KCNC4: variants seen among roughly 807,000 people sequenced by gnomAD.
The protein encoded by KCNC4 is voltage-gated potassium channel KCNC4.
Under a neutral mutation model 42.8 loss-of-function variants are expected in KCNC4, and 23 were observed. That is an observed-to-expected ratio of 0.54 (90% confidence interval 0.39 to 0.76). The LOEUF is 0.76. Among genes scored for constraint, KCNC4 ranks in the 30% least tolerant of loss-of-function variants. The probability of loss-of-function intolerance (pLI) is 0.00; values close to 1 mark genes in which losing one functional copy is unlikely to be tolerated. For synonymous variants in KCNC4, 422 were observed against 393.5 expected (o/e 1.07, Z -0.86); for missense variants, 751 against 898.2 (o/e 0.84, Z 2.10).
chr1:110,218,268 A>G (rs1657905084), intron 1 of KCNC4, among the ~76,000 whole-genome samples: 1 of 152,124 alleles, frequency 6.6e-6, no homozygotes, highest in African/African-American at 2.4e-5. Flanking sequence ...TCCTCAAAAC[A>G]ACTGTACCAG....
intron 1 of KCNC4, among the ~76,000 whole-genome samples, chr1:110,265,353 TAAATAAAA>T (rs1276487495): frequency 8.2e-6 from 1 of 121,486 alleles, no homozygotes; most frequent in Non-Finnish European, 1.7e-5. Flanking sequence ...AAATAAAACA[TAAATAAAA>T]TAAAATAAAA....
chr1:110,277,273 G>GCCC (rs1454376826), intron 1 of KCNC4, among the ~76,000 whole-genome samples: 2 of 152,248 alleles, frequency 1.3e-5, no homozygotes, highest in African/African-American at 2.4e-5. Flanking sequence ...AGGTCTTGAT[G>GCCC]CCCTCATCAG....
intron 1 of KCNC4, among the ~76,000 whole-genome samples, chr1:110,215,012 A>C (rs1241776645): frequency 6.6e-6 from 1 of 151,802 alleles, no homozygotes; most frequent in Admixed American, 6.6e-5. Context: ...GCTCACAGCT[A>C]CCTCCTCCCT....
In KCNC4 at chr1:110,223,678, G is replaced by A. The variant is rs966007199; in HGVS notation, c.1393G>A (p.Ala465Thr). Residue 465 changes from alanine to threonine, a missense_variant, in exon 2 of 4, where the codon GCC becomes ACC. Around this residue, in one of 4 missense-constraint regions of KCNC4, gnomAD observed 185 missense variants for 293.7 expected, o/e 0.63. Transcript: ENST00000438661. The surrounding 1 kb of genome is among the most constrained non-coding windows in gnomAD (Gnocchi z 7.5). Reference sequence around the variant, plus strand: ...TGCACTGGCTGGCGTGCTCACCATCGCCATGCCGGTGCCTGTCATCGTCAA... The same window carrying A: ...TGCACTGGCTGGCGTGCTCACCATCACCATGCCGGTGCCTGTCATCGTCAA... ...LCALAGVLTI[A>T]MPVPVIVNNF... 6.2e-7 allele frequency: 1 copy of A among 1,613,960 alleles called. No homozygotes were observed. Among genetic ancestry groups the A allele is most frequent in the Non-Finnish European group, 8.5e-7 (1 of 1,180,022 alleles).
downstream of KCNC4, among the ~76,000 whole-genome samples, chr1:110,249,909 T>C (rs814323): frequency 0.29 from 44,141 of 152,076 alleles, 6,544 homozygotes; most frequent in South Asian, 0.36. Flanking sequence ...TTCTCTTCTC[T>C]CCCAGTCCCT....
chr1:110,215,129 C>T (rs183022559), intron 1 of KCNC4, among the ~76,000 whole-genome samples: 8 of 152,232 alleles, frequency 5.3e-5, no homozygotes, highest in African/African-American at 1.7e-4. Context: ...TTGAGTAGTG[C>T]GTTATGACAG....
At chr1:110,224,027 C>T (rs1447430552) in intron 2 of KCNC4, 127 bp downstream of exon 2, 7 of 786,778 alleles carry the variant, frequency 8.9e-6, no homozygotes, top group Non-Finnish European at 8.1e-6. Flanking sequence ...AAAGATGTGC[C>T]TTTATGAGGG....
chr1:110,263,571 C>T (rs1048994008), intron 1 of KCNC4, among the ~76,000 whole-genome samples: 1 of 152,098 alleles, frequency 6.6e-6, no homozygotes, highest in East Asian at 1.9e-4. Context: ...AATATGTACG[C>T]CACTCCAAAC....
At chr1:110,274,269 T>C (rs1325895064) in intron 1 of KCNC4, among the ~76,000 whole-genome samples, 1 of 152,050 alleles carries the variant, frequency 6.6e-6, no homozygotes, top group Non-Finnish European at 1.5e-5. Context: ...TACCTAGGAA[T>C]ATATTTAACC....
chr1:110,250,941 T>G (rs1020049544), downstream of KCNC4, among the ~76,000 whole-genome samples: 6 of 152,146 alleles, frequency 3.9e-5, no homozygotes, highest in African/African-American at 1.4e-4. Flanking sequence ...TGGAGGCTTA[T>G]CTATACTCCA....
intron 1 of KCNC4, among the ~76,000 whole-genome samples, chr1:110,260,975 G>T (rs1387551886): frequency 1.3e-5 from 2 of 152,144 alleles, no homozygotes; most frequent in Admixed American, 1.3e-4. Flanking sequence ...CTGAAACATG[G>T]TTGCCATTTA....
intron 1 of KCNC4, among the ~76,000 whole-genome samples, chr1:110,213,694 T>C (rs1405556515): frequency 6.6e-6 from 1 of 152,230 alleles, no homozygotes; most frequent in Non-Finnish European, 1.5e-5. Flanking sequence ...GCCCTGAGAC[T>C]GGCTAAGAAG....
chr1:110,262,433 G>C (rs1231208247), intron 1 of KCNC4, among the ~76,000 whole-genome samples: 2 of 152,118 alleles, frequency 1.3e-5, no homozygotes. Flanking sequence ...TCTTCTTTCT[G>C]TGCCTTTCCT....
chr1:110,232,487 C>T (rs1658745592), intron 3 of KCNC4: 1 of 1,440,504 alleles, frequency 6.9e-7, no homozygotes. Context: ...CAGGAACTTT[C>T]CCCACTGCCT....
chr1:110,277,859 G>A (rs1415161140), intron 1 of KCNC4, among the ~76,000 whole-genome samples: 1 of 152,156 alleles, frequency 6.6e-6, no homozygotes, highest in Non-Finnish European at 1.5e-5. Context: ...GGCTGGGCAT[G>A]GTGGCTCATA....
chr1:110,212,973 C>T (rs1303182794), intron 1 of KCNC4, among the ~76,000 whole-genome samples: 1 of 152,014 alleles, frequency 6.6e-6, no homozygotes, highest in Non-Finnish European at 1.5e-5. Flanking sequence ...TCTTTTCTTT[C>T]TGCTGCAGCA....
intron 1 of KCNC4, among the ~76,000 whole-genome samples, chr1:110,261,263 C>CT (rs1329560450): frequency 6.6e-6 from 1 of 152,140 alleles, no homozygotes; most frequent in African/African-American, 2.4e-5. Context: ...GAAACACTTG[C>CT]TTTTTCTACC....
chr1:110,230,483 CT>C (rs1343510953), intron 3 of KCNC4, among the ~76,000 whole-genome samples: 1 of 152,214 alleles, frequency 6.6e-6, no homozygotes, highest in Non-Finnish European at 1.5e-5. Flanking sequence ...TCTGACTTGC[CT>C]TTCTGGTTCA....
At chr1:110,220,898 G>A (rs1001792325) in intron 1 of KCNC4, 1 of 152,234 alleles carries the variant, frequency 6.6e-6, no homozygotes, top group Non-Finnish European at 1.5e-5. Flanking sequence ...GGAGAAGCAA[G>A]CAGGAAAAAC....
Sources: gnomAD v4.1 joint callset for allele counts (sites outside exome capture counted in the v4.1 genomes callset) on GRCh38, gnomAD v4.1.1 for gene constraint, gnomAD v4.1.1 regional missense constraint, Gnocchi (gnomAD v3.1) non-coding constraint, MANE v1.5 for transcripts, NCBI Gene and HGNC (gene_info 2026-07-23, HGNC 2026-07-21) for gene names.